AKAP10: variants seen among roughly 807,000 people sequenced by gnomAD.
AKAP10 encodes A-kinase anchor protein 10, mitochondrial.
Under a neutral mutation model 80.8 loss-of-function variants are expected in AKAP10, and 24 were observed. That is an observed-to-expected ratio of 0.30 (90% CI 0.22 to 0.42). AKAP10 has a LOEUF of 0.42. AKAP10 is among the 10% of genes least tolerant of loss of function. The probability of loss-of-function intolerance (pLI) is 1.00; values close to 1 mark genes in which losing one functional copy is unlikely to be tolerated. For synonymous variants in AKAP10, 291 were observed against 277.7 expected (o/e 1.05, Z -0.48); for missense variants, 661 against 794.9 (o/e 0.83, Z 2.03).
intron 1 of AKAP10, among the ~76,000 whole-genome samples, chr17:19,972,525 A>G (rs751827641): frequency 6.6e-6 from 1 of 152,088 alleles, no homozygotes; most frequent in Non-Finnish European, 1.5e-5. Context: ...GCGCGATCTC[A>G]GCTCACTGCA....
intron 10 of AKAP10, 40 bp downstream of exon 10, chr17:19,931,765 T>A (rs1165741676): frequency 1.3e-6 from 2 of 1,572,394 alleles, no homozygotes; most frequent in East Asian, 4.5e-5. Flanking sequence ...AAAGGATGTG[T>A]ATGCTTTTCT....
chr17:19,977,109 T>C (rs2043578400), intron 1 of AKAP10, among the ~76,000 whole-genome samples: 1 of 152,186 alleles, frequency 6.6e-6, no homozygotes, highest in African/African-American at 2.4e-5. Context: ...AATTTTATTT[T>C]AGTAACAGCA....
chr17:19,946,268 T>TA (rs2043125996), intron 5 of AKAP10, among the ~76,000 whole-genome samples: 1 of 31,704 alleles, frequency 3.2e-5, no homozygotes, highest in African/African-American at 1.2e-4. Flanking sequence ...TATATATATA[T>TA]ATATATATTT....
intron 4 of AKAP10, 29 bp from the exon 5 acceptor site, chr17:19,947,534 C>A: frequency 6.7e-7 from 1 of 1,499,194 alleles, no homozygotes; most frequent in Non-Finnish European, 9.3e-7. Flanking sequence ...ACTTCAAAAA[C>A]CAAAAAGCAA....
intron 10 of AKAP10, among the ~76,000 whole-genome samples, chr17:19,930,070 C>T (rs1348240236): frequency 2.7e-5 from 4 of 150,112 alleles, no homozygotes; most frequent in African/African-American, 4.9e-5. Context: ...CCATACTCAG[C>T]AGTTTATCTC....
intron 3 of AKAP10, among the ~76,000 whole-genome samples, chr17:19,960,671 T>C (rs999122134): frequency 6.6e-6 from 1 of 152,242 alleles, no homozygotes; most frequent in African/African-American, 2.4e-5. Flanking sequence ...AGTTTTCATT[T>C]ATCTGGGATA....
chr17:19,933,069 A>C (rs897794161), intron 9 of AKAP10, among the ~76,000 whole-genome samples: 3 of 152,200 alleles, frequency 2.0e-5, no homozygotes, highest in South Asian at 4.2e-4. Context: ...CCCGGGCTGG[A>C]ATGCAGTGGC....
intron 10 of AKAP10, among the ~76,000 whole-genome samples, chr17:19,926,795 T>G (rs554059862): frequency 6.6e-6 from 1 of 152,346 alleles, no homozygotes; most frequent in African/African-American, 2.4e-5. Flanking sequence ...GATACATCCA[T>G]GTTCACAAAT....
chr17:19,923,480 A>C (rs985682701), intron 11 of AKAP10, among the ~76,000 whole-genome samples: 1 of 152,110 alleles, frequency 6.6e-6, no homozygotes, highest in Non-Finnish European at 1.5e-5. Context: ...CAAACCTTTT[A>C]CTTCCTTCAA....
At chr17:19,962,816 T>C (rs1330353814) in intron 3 of AKAP10, 24 bp downstream of exon 3, 1 of 1,602,720 alleles carries the variant, frequency 6.2e-7, no homozygotes, top group Non-Finnish European at 8.5e-7. Flanking sequence ...TAATACAAGT[T>C]AATAAAAAAT....
At chr17:19,947,215 C>T (rs1026786014) in intron 5 of AKAP10, 192 bp downstream of exon 5, 5 of 558,462 alleles carry the variant, frequency 9.0e-6, no homozygotes, top group Non-Finnish European at 1.3e-5. Context: ...GGCAAAGACC[C>T]TCGCACCGAA....
At chr17:19,920,855 CAAAAAAAAAAAAAAAAA>C (rs61148312) in intron 11 of AKAP10, among the ~76,000 whole-genome samples, 5 of 35,324 alleles carry the variant, frequency 1.4e-4, no homozygotes, top group Admixed American at 4.8e-4. Context: ...GACTCTATCT[CAAAAAAAAAAAAAAAAA>C]AAAAAAAAAA....
intron 1 of AKAP10, among the ~76,000 whole-genome samples, chr17:19,971,311 C>T (rs2043494521): frequency 6.6e-6 from 1 of 151,888 alleles, no homozygotes; most frequent in East Asian, 2.0e-4. Flanking sequence ...GAGTTCAAGA[C>T]CAGCCTGGCC....
intron 9 of AKAP10, among the ~76,000 whole-genome samples, chr17:19,934,109 T>TG (rs779886789): frequency 7.9e-5 from 12 of 151,950 alleles, no homozygotes; most frequent in Non-Finnish European, 1.6e-4. Flanking sequence ...TTAGTAGAGA[T>TG]GGGGTTTCTC....
intron 2 of AKAP10, among the ~76,000 whole-genome samples, 176 bp from the exon 3 acceptor site, chr17:19,963,198 GAAAGA>G (rs1430130721): frequency 6.7e-6 from 1 of 148,272 alleles, no homozygotes; most frequent in African/African-American, 2.5e-5. Context: ...TGGAAAATAG[GAAAGA>G]AAACACTCTT....
intron 9 of AKAP10, among the ~76,000 whole-genome samples, chr17:19,934,362 G>A (rs1025355924): frequency 2.6e-5 from 4 of 151,832 alleles, no homozygotes; most frequent in Non-Finnish European, 5.9e-5. Context: ...TTCTTTAATT[G>A]TTCAAGACAG....
intron 7 of AKAP10, among the ~76,000 whole-genome samples, chr17:19,940,525 CA>C (rs139965980): frequency 0.067 from 10,263 of 152,120 alleles, 1,024 homozygotes; most frequent in African/African-American, 0.22. Flanking sequence ...AAATGATGAG[CA>C]TAAGAAAAAA....
At chr17:19,938,638 G>A (rs1329527632) in intron 8 of AKAP10, among the ~76,000 whole-genome samples, 1 of 152,146 alleles carries the variant, frequency 6.6e-6, no homozygotes, top group Admixed American at 6.5e-5. Flanking sequence ...GATACTATTA[G>A]TGTCTTCAAA....
At chr17:19,946,657 CTTTTT>C (rs35156168) in intron 5 of AKAP10, among the ~76,000 whole-genome samples, 5 of 111,146 alleles carry the variant, frequency 4.5e-5, no homozygotes, top group African/African-American at 1.7e-4. Context: ...ATAAGAAAAA[CTTTTT>C]TTTTTTTTTT....
Sources: allele counts gnomAD v4.1 joint callset (sites outside exome capture counted in the v4.1 genomes callset), GRCh38; gene constraint gnomAD v4.1.1; transcripts MANE v1.5; gene names NCBI Gene and HGNC (gene_info 2026-07-23, HGNC 2026-07-21).